CYBC1: variants seen among roughly 807,000 people sequenced by gnomAD.
CYBC1 encodes the protein essential for reactive oxygen species protein.
CYBC1 carries 22 observed loss-of-function variants against 21.7 expected under a neutral mutation model. That is an observed-to-expected ratio of 1.02 (90% CI 0.73 to 1.45). The LOEUF is 1.45. Ranked by LOEUF, CYBC1 falls within the 40% of genes most tolerant of loss-of-function variation. CYBC1 has a pLI of 0.00. For synonymous variants in CYBC1, 112 were observed against 98.7 expected, an observed-to-expected ratio of 1.13 and a Z score of -0.80; for missense variants, 237 against 242.1, an observed-to-expected ratio of 0.98 and a Z score of 0.14.
Position 82,443,959 on chromosome 17 carries a change from C to T in CYBC1, c.*45G>A. The T allele has an allele frequency of 1.2e-6, 2 of 1,605,426 alleles. No homozygotes were observed. Among genetic ancestry groups the T allele is most frequent in the African/African-American group, 1.3e-5 (1 of 74,916 alleles). On this transcript the variant is annotated 3_prime_UTR_variant, in exon 7 of 7. Transcript: ENST00000306645. The surrounding 1 kb of genome is among the most constrained non-coding windows in gnomAD (Gnocchi z 6.7). ...GGGCTCAGGCACACCGGGAATGTGCCATGGGTCCTGTGGGCGGTGCACGGG... is the reference window on the plus strand; with the variant it reads ...GGGCTCAGGCACACCGGGAATGTGCTATGGGTCCTGTGGGCGGTGCACGGG...
chr17:82,449,414 C>T (rs958705968), intron 1 of CYBC1, 122 bp from the exon 2 acceptor site: 1 of 502,208 alleles, frequency 2.0e-6, no homozygotes, highest in Non-Finnish European at 3.5e-6. Flanking sequence ...GCCCCAGACA[C>T]CATCAGCCAG....
chr17:82,446,723 T>A (rs775578053), intron 3 of CYBC1, 27 bp from the exon 4 acceptor site: 2 of 1,612,222 alleles, frequency 1.2e-6, no homozygotes, highest in Admixed American at 3.3e-5. Context: ...GGCGCCAGCC[T>A]GTGAGCTCCA....
intron 5 of CYBC1, 41 bp downstream of exon 5, chr17:82,445,823 C>T: frequency 2.0e-6 from 3 of 1,509,228 alleles, no homozygotes; most frequent in Non-Finnish European, 2.7e-6. Context: ...TGCGCCGCCT[C>T]TGTGGCCGTG....
intron 6 of CYBC1, 131 bp downstream of exon 6, chr17:82,444,316 C>T: frequency 1.4e-6 from 2 of 1,445,728 alleles, no homozygotes; most frequent in Non-Finnish European, 1.9e-6. Context: ...CACACGCTTC[C>T]CGTGGGCCCC....
rs1447459620 is a variant in CYBC1, at chr17:82,447,366, AAAG to A, written c.127+211_127+213del. 4.6e-3 allele frequency: 2,708 copies of A among 584,252 alleles called. 54 individuals carry two copies. The African/African-American group carries it at 0.047, about 10-fold the overall frequency. The allele number at this position is 584,252 out of a possible 1,614,324, so 36.2% of individuals were successfully genotyped here. A position where few individuals can be genotyped will look rare whatever the true frequency, so the allele number is the denominator to read the frequency against. ...AGACTCCGTCTCAAAAAAAAAAAAAAAAGAAGTGAAATGTGGGCTGAGCGCTGG... is the reference window on the plus strand; with the variant it reads ...AGACTCCGTCTCAAAAAAAAAAAAAAAAGTGAAATGTGGGCTGAGCGCTGG... On this transcript the variant is annotated intron_variant, in intron 3 of 6. Transcript: ENST00000306645.
intron 4 of CYBC1, among the ~76,000 whole-genome samples, chr17:82,446,266 G>A (rs1007217672): frequency 4.6e-5 from 7 of 152,222 alleles, no homozygotes; most frequent in African/African-American, 1.4e-4. Flanking sequence ...AGGTCAGAGG[G>A]CAGCACTGGG....
rs371316125 is a variant in CYBC1, at chr17:82,443,957, G to A, written c.*47C>T. 4 of 1,604,656 alleles carry A rather than the reference G, an allele frequency of 2.5e-6. No homozygotes were observed. In the African/African-American group the frequency reaches 5.3e-5, roughly 21 times the overall value. On this transcript the variant is annotated 3_prime_UTR_variant, in exon 7 of 7. Transcript: ENST00000306645. The surrounding 1 kb of genome is among the most constrained non-coding windows in gnomAD (Gnocchi z 6.7). ...ACGGGCTCAGGCACACCGGGAATGT[G>A]CCATGGGTCCTGTGGGCGGTGCACG...
chr17:82,444,530 G>A lies in CYBC1; in HGVS notation c.360C>T (p.Phe120=), dbSNP rs199793460. ...GGAGCACCACCATGTAGCCTTTCCCGAAGTACCGGACCTTCTCCTCCTCCA... is the reference window on the plus strand; with the variant it reads ...GGAGCACCACCATGTAGCCTTTCCCAAAGTACCGGACCTTCTCCTCCTCCA... ...VSVEEEKVRY[F]GKGYMVVLRL... Residue 120 remains phenylalanine (F), a synonymous_variant, in exon 6 of 7, where the codon TTC becomes TTT. Coordinates refer to ENST00000306645, the MANE Select transcript of CYBC1 (RefSeq NM_001033046.4). 1.4e-4 allele frequency: 234 copies of A among 1,613,888 alleles called. No homozygotes were observed. In the East Asian group the frequency reaches 2.1e-3, roughly 14 times the overall value.
intron 2 of CYBC1, 64 bp from the exon 3 acceptor site, chr17:82,447,685 G>T: frequency 4.2e-6 from 6 of 1,431,700 alleles, no homozygotes; most frequent in Non-Finnish European, 5.8e-6. Flanking sequence ...CTGGTGCAGC[G>T]GGACCAGGAG....
At chr17:82,444,791 C>T (rs574878005) in intron 5 of CYBC1, 200 bp from the exon 6 acceptor site, 10 of 629,658 alleles carry the variant, frequency 1.6e-5, no homozygotes, top group African/African-American at 1.3e-4. Context: ...GTGGGAAGGA[C>T]GTGCCCGCGG....
In CYBC1 at chr17:82,447,856, A is replaced by C. The variant is rs1291863693; in HGVS notation, c.86-235T>G. Reference sequence around the variant, plus strand: ...ACACTTGTAATCCCAGCTACCTGGGAGGCCGAGGAAGGAAGAGCGCTTGAG... The same window carrying C: ...ACACTTGTAATCCCAGCTACCTGGGCGGCCGAGGAAGGAAGAGCGCTTGAG... On this transcript the variant is annotated intron_variant, in intron 2 of 6. Coordinates refer to ENST00000306645, the MANE Select transcript of CYBC1 (RefSeq NM_001033046.4). 3.7e-5 allele frequency: 22 copies of C among 595,086 alleles called. No individual in the cohort carries two copies. In the South Asian group the frequency reaches 4.3e-4, roughly 12 times the overall value. 36.9% of individuals were successfully genotyped at this position (595,086 alleles called of 1,614,324 possible).
At chr17:82,446,743 C>T (rs372955130) in intron 3 of CYBC1, 47 bp from the exon 4 acceptor site, 85 of 1,586,896 alleles carry the variant, frequency 5.4e-5, no homozygotes, top group Non-Finnish European at 6.8e-5. Flanking sequence ...AGGGACATGC[C>T]CACGGGAGGC....
At position 82,445,775 on chromosome 17, in the gene CYBC1, C is replaced by A. The variant is rs545881382; in HGVS notation, c.298+89G>T. ...AGCTTGGACCAAAGGCACTTCCAGGCCCCCCTCTAGGCCCCGTGAGTCACC... is the reference window on the plus strand; with the variant it reads ...AGCTTGGACCAAAGGCACTTCCAGGACCCCCTCTAGGCCCCGTGAGTCACC... On this transcript the variant is annotated intron_variant, in intron 5 of 6. Transcript: ENST00000306645. 6.3e-6 allele frequency: 6 copies of A among 951,138 alleles called. No individual in the cohort carries two copies. The Admixed American group carries it at 1.5e-4, about 24-fold the overall frequency. 58.9% of individuals were successfully genotyped at this position (951,138 alleles called of 1,614,324 possible).
chr17:82,442,785 T>A lies in CYBC1; in HGVS notation c.*1219A>T. 1.8e-6 allele frequency: 1 copy of A among 569,524 alleles called. No individual in the cohort carries two copies. Among genetic ancestry groups the A allele is most frequent in the Non-Finnish European group, 3.1e-6 (1 of 327,518 alleles). The allele number at this position is 569,524 out of a possible 1,614,324, so 35.3% of individuals were successfully genotyped here. A position where few individuals can be genotyped will look rare whatever the true frequency, so the allele number is the denominator to read the frequency against. On this transcript the variant is annotated 3_prime_UTR_variant, in exon 7 of 7. Transcript: ENST00000306645. This position sits in a 1 kb window ranked among gnomAD's most constrained non-coding sequence, Gnocchi z 6.8. ...CCAGACGTGGGGCAAAGGTGTTCCCTGTCCTACCCAGCCATTCCTGGGCCT... is the reference window on the plus strand; with the variant it reads ...CCAGACGTGGGGCAAAGGTGTTCCCAGTCCTACCCAGCCATTCCTGGGCCT...
intron 2 of CYBC1, chr17:82,448,863 C>A (rs2054436298): frequency 6.0e-6 from 2 of 330,814 alleles, no homozygotes; most frequent in Non-Finnish European, 1.1e-5. Context: ...GAGGAGGAGA[C>A]ATGGGAACCC....
In CYBC1 at chr17:82,446,018, G is replaced by A. The variant is rs2291394; in HGVS notation, c.202-58C>T. 211,871 of 1,402,906 alleles carry A rather than the reference G, an allele frequency of 0.15. 17,803 individuals are homozygous for A. Among genetic ancestry groups the A allele is most frequent in the Admixed American group, 0.32 (17,598 of 54,924 alleles). 86.9% of individuals were successfully genotyped at this position (1,402,906 alleles called of 1,614,324 possible). A position where few individuals can be genotyped will look rare whatever the true frequency, so the allele number is the denominator to read the frequency against. ...CTCCAGGAACGGGGGCCCCGTGGCC[G>A]CTGGGGCCTCACCCCCACCCTCACC... On this transcript the variant is annotated intron_variant, in intron 4 of 6. Coordinates refer to ENST00000306645, the MANE Select transcript of CYBC1 (RefSeq NM_001033046.4).
rs757402214 is a variant in CYBC1, at chr17:82,444,563, A to G, written c.327T>C (p.Asp109=). The change falls in exon 6 of 7, where the codon GAT becomes GAC. Residue 109 remains aspartate (D), a synonymous_variant. Coordinates refer to ENST00000306645, the MANE Select transcript of CYBC1 (RefSeq NM_001033046.4). ...QVVVLLHDVR[D]VSVEEEKVRY... ...GGACCTTCTCCTCCTCCACGCTCAC[A>G]TCACGGACATCATGGAGCAGGACCA... 1.1e-5 allele frequency: 18 copies of G among 1,612,756 alleles called. No individual in the cohort carries two copies. Among genetic ancestry groups the G allele is most frequent in the Admixed American group, 1.7e-5 (1 of 59,970 alleles).
chr17:82,444,700 G>T, intron 5 of CYBC1, 109 bp from the exon 6 acceptor site: 1 of 1,404,046 alleles, frequency 7.1e-7, no homozygotes, highest in Non-Finnish European at 9.7e-7. Flanking sequence ...TTGGTTGGCA[G>T]CAAAAGCATT....
rs893231137 is a variant in CYBC1 at position 82,443,583 on chromosome 17, TGCTGTG to T, written c.*415_*420del. ...CCGCCTCTCCACTCGCCCGAGGTCT[TGCTGTG>T]GCCCAAAGCAGGAGTCCAGGGCTGG... On this transcript the variant is annotated 3_prime_UTR_variant, in exon 7 of 7. Transcript: ENST00000306645. This position sits in a 1 kb window ranked among gnomAD's most constrained non-coding sequence, Gnocchi z 6.7. 3.1e-5 allele frequency: 22 copies of T among 704,018 alleles called. No homozygotes were observed. Among genetic ancestry groups the T allele is most frequent in the Non-Finnish European group, 4.7e-5 (18 of 385,998 alleles). 43.6% of individuals were successfully genotyped at this position (704,018 alleles called of 1,614,324 possible). A position where few individuals can be genotyped will look rare whatever the true frequency, so the allele number is the denominator to read the frequency against.
Sources: allele counts gnomAD v4.1 joint callset (sites outside exome capture counted in the v4.1 genomes callset), GRCh38; gene constraint gnomAD v4.1.1; non-coding constraint Gnocchi (gnomAD v3.1); transcripts MANE v1.5; gene names NCBI Gene and HGNC (gene_info 2026-07-23, HGNC 2026-07-21).